LRRC4C: variants seen among roughly 807,000 people sequenced by gnomAD.
LRRC4C encodes the protein leucine-rich repeat-containing protein 4C.
LRRC4C carries 5 observed loss-of-function variants against 33.6 expected under a neutral mutation model. That is an observed-to-expected ratio of 0.15 (90% CI 0.08 to 0.31). The LOEUF is 0.31. Ranked by LOEUF, LRRC4C falls within the 10% of genes least tolerant of loss-of-function variation. LRRC4C has a pLI of 1.00. For synonymous variants in LRRC4C, 329 were observed against 302.0 expected, an observed-to-expected ratio of 1.09 and a Z score of -0.93; for missense variants, 560 against 796.7, an observed-to-expected ratio of 0.70 and a Z score of 3.58.
At chr11:40,923,268 T>A (rs1251385920) in intron 2 of LRRC4C, among the ~76,000 whole-genome samples, 1 of 152,248 alleles carries the variant, frequency 6.6e-6, no homozygotes, top group Non-Finnish European at 1.5e-5. Context: ...GTTGCCATAT[T>A]TTCCAAGAGT....
rs77264092 is a variant in LRRC4C, at chr11:40,971,416, C to T, written c.-495-37693G>A. The stretch of plus-strand genomic sequence containing the variant: ...AAGCTGTAAGTCTGTTTGGCTTCCA[C>T]GTGGTGTTAGGCCTGGGGGAGGAGG... On this transcript the variant is annotated intron_variant, in intron 1 of 6. Transcript: ENST00000528697. Among the ~76,000 whole-genome samples the T allele has an allele frequency of 2.1e-3, 319 of 152,230 alleles. 1 individual carries two copies. Among genetic ancestry groups the T allele is most frequent in the African/African-American group, 6.0e-3 (249 of 41,532 alleles).
At chr11:40,268,406 T>C (rs746478329) in intron 4 of LRRC4C, among the ~76,000 whole-genome samples, 2 of 152,156 alleles carry the variant, frequency 1.3e-5, no homozygotes, top group Non-Finnish European at 2.9e-5. Context: ...ACAAAATCTC[T>C]TGGGACTTTG....
intron 1 of LRRC4C, among the ~76,000 whole-genome samples, chr11:41,115,045 GT>G (rs1187617018): frequency 6.6e-6 from 1 of 151,918 alleles, no homozygotes; most frequent in East Asian, 1.9e-4. Flanking sequence ...GTTTATAGGA[GT>G]TTATTATAGT....
chr11:40,305,610 A>G (rs968098582), intron 4 of LRRC4C, among the ~76,000 whole-genome samples: 2 of 115,410 alleles, frequency 1.7e-5, no homozygotes, highest in African/African-American at 7.5e-5. Flanking sequence ...TGTCAAATAC[A>G]AAAAAAAAAA....
intron 3 of LRRC4C, among the ~76,000 whole-genome samples, chr11:40,462,811 T>C (rs776200541): frequency 1.3e-5 from 2 of 152,074 alleles, no homozygotes; most frequent in Non-Finnish European, 2.9e-5. Flanking sequence ...CAGATTCATC[T>C]CTTTTTTATC....
chr11:40,906,525 G>GACAA (rs113656683), intron 2 of LRRC4C, among the ~76,000 whole-genome samples: 19 of 152,016 alleles, frequency 1.2e-4, no homozygotes, highest in East Asian at 7.8e-4. Context: ...CAAACAAACA[G>GACAA]ACAAACAAAC....
intron 1 of LRRC4C, among the ~76,000 whole-genome samples, chr11:41,184,936 T>C (rs1439694379): frequency 6.6e-6 from 1 of 150,592 alleles, no homozygotes; most frequent in South Asian, 2.1e-4. Flanking sequence ...GGCAGGCAAA[T>C]AGAGAAAGAG....
At chr11:41,423,586 G>A (rs1954942529) in intron 1 of LRRC4C, among the ~76,000 whole-genome samples, 1 of 152,034 alleles carries the variant, frequency 6.6e-6, no homozygotes, top group African/African-American at 2.4e-5. Context: ...AGACATCATA[G>A]ACGACAGATG....
intron 3 of LRRC4C, among the ~76,000 whole-genome samples, chr11:40,468,057 T>C (rs1020555387): frequency 2.0e-5 from 3 of 152,168 alleles, no homozygotes; most frequent in African/African-American, 4.8e-5. Flanking sequence ...TTGGGTTTAA[T>C]AGGCAATGCA....
intron 2 of LRRC4C, among the ~76,000 whole-genome samples, chr11:40,654,144 G>C (rs1307336467): frequency 2.6e-5 from 4 of 152,194 alleles, no homozygotes; most frequent in South Asian, 2.1e-4. Context: ...ACCACTGCTA[G>C]GGCAGTGTGG....
chr11:40,254,813 T>G (rs1867072731), intron 4 of LRRC4C, among the ~76,000 whole-genome samples: 1 of 152,050 alleles, frequency 6.6e-6, no homozygotes, highest in South Asian at 2.1e-4. Context: ...TGTTTGTTTG[T>G]TTTCTGTCTT....
intron 1 of LRRC4C, among the ~76,000 whole-genome samples, chr11:41,248,262 G>A (rs1454547774): frequency 6.6e-6 from 1 of 152,116 alleles, no homozygotes; most frequent in Non-Finnish European, 1.5e-5. Context: ...ATCCTGGAAA[G>A]AACTGTCTAT....
intron 3 of LRRC4C, among the ~76,000 whole-genome samples, chr11:40,643,997 A>C (rs147849003): frequency 2.0e-3 from 300 of 152,322 alleles, no homozygotes; most frequent in Non-Finnish European, 3.7e-3. Context: ...ATGAAATGGA[A>C]AAAAAACATT....
chr11:41,119,186 A>G (rs1482346540), intron 1 of LRRC4C, among the ~76,000 whole-genome samples: 1 of 152,056 alleles, frequency 6.6e-6, no homozygotes, highest in Non-Finnish European at 1.5e-5. Flanking sequence ...TTTCCAAACA[A>G]TCTTTATATG....
At chr11:40,951,518 G>T (rs1214338820) in intron 1 of LRRC4C, among the ~76,000 whole-genome samples, 1 of 151,948 alleles carries the variant, frequency 6.6e-6, no homozygotes, top group South Asian at 2.1e-4. Flanking sequence ...TACACACATT[G>T]TATTGCATAC....
chr11:40,788,867 C>A (rs916063224), intron 2 of LRRC4C, among the ~76,000 whole-genome samples: 2 of 151,896 alleles, frequency 1.3e-5, no homozygotes, highest in East Asian at 1.9e-4. Context: ...CCGAGGCAGG[C>A]GGATCATGAT....
At chr11:40,452,249 C>T (rs1397265221) in intron 3 of LRRC4C, among the ~76,000 whole-genome samples, 1 of 152,152 alleles carries the variant, frequency 6.6e-6, no homozygotes, top group Admixed American at 6.6e-5. Context: ...AGGCAACCTA[C>T]AGAATGGGAG....
chr11:40,946,857 C>T (rs1480123400), intron 1 of LRRC4C, among the ~76,000 whole-genome samples: 2 of 152,146 alleles, frequency 1.3e-5, no homozygotes, highest in African/African-American at 4.8e-5. Flanking sequence ...AGATTGACCA[C>T]ACGCTCAACC....
intron 1 of LRRC4C, among the ~76,000 whole-genome samples, chr11:41,426,932 T>G (rs2138379259): frequency 6.6e-6 from 1 of 152,204 alleles, no homozygotes. Context: ...AAAAGAGAAG[T>G]GGAAATATTC....
Sources: allele counts gnomAD v4.1 joint callset (sites outside exome capture counted in the v4.1 genomes callset), GRCh38; gene constraint gnomAD v4.1.1; transcripts MANE v1.5; gene names NCBI Gene and HGNC (gene_info 2026-07-23, HGNC 2026-07-21).